DHX8: variants seen among roughly 807,000 people sequenced by gnomAD.
The protein encoded by DHX8 is DEAH-box helicase 8.
DHX8 carries 67 observed loss-of-function variants against 140.7 expected under a neutral mutation model. That is an observed-to-expected ratio of 0.48 (90% CI 0.39 to 0.58). DHX8 has a LOEUF of 0.58. DHX8 is among the 20% of genes least tolerant of loss of function. DHX8 has a pLI of 0.00. For missense variants in DHX8, 887 were observed against 1,550.7 expected, an observed-to-expected ratio of 0.57 and a Z score of 7.19; for synonymous variants, 533 against 553.2, an observed-to-expected ratio of 0.96 and a Z score of 0.51.
At chr17:43,504,026 G>A (rs1484485901) in intron 11 of DHX8, among the ~76,000 whole-genome samples, 4 of 151,486 alleles carry the variant, frequency 2.6e-5, no homozygotes, top group African/African-American at 4.9e-5. Flanking sequence ...GCAGTGAGCC[G>A]TGATTGCGTC....
downstream of DHX8, among the ~76,000 whole-genome samples, chr17:43,527,510 A>T (rs1225435627): frequency 6.6e-6 from 1 of 152,132 alleles, no homozygotes; most frequent in African/African-American, 2.4e-5. Flanking sequence ...GACCCTTGCC[A>T]CTCAGTAGCC....
intron 3 of DHX8, among the ~76,000 whole-genome samples, chr17:43,541,063 C>T (rs1356846353): frequency 6.6e-6 from 1 of 152,116 alleles, no homozygotes; most frequent in African/African-American, 2.4e-5. Context: ...CCAGGGACCC[C>T]TCCAGGCCCG....
intron 16 of DHX8, among the ~76,000 whole-genome samples, chr17:43,509,814 AC>A (rs1969715594): frequency 6.6e-6 from 1 of 151,622 alleles, no homozygotes; most frequent in Non-Finnish European, 1.5e-5. Flanking sequence ...GACTATAAGC[AC>A]CCACTACCAC....
Position 43,507,964 on chromosome 17 carries a change from T to C in DHX8, c.2265T>C (p.Asp755=). The C allele has an allele frequency of 6.2e-7, 1 of 1,614,236 alleles. No homozygotes were observed. Among genetic ancestry groups the C allele is most frequent in the East Asian group, 2.2e-5 (1 of 44,886 alleles). ...TGTACACAAAGGAACCTGAGACAGATTATCTGGATGCCAGCCTGATTACTG... is the reference window on the plus strand; with the variant it reads ...TGTACACAAAGGAACCTGAGACAGACTATCTGGATGCCAGCCTGATTACTG... ...EILYTKEPET[D]YLDASLITVM... Residue 755 remains aspartate (D), a synonymous_variant, in exon 15 of 23, where the codon GAT becomes GAC. Coordinates refer to ENST00000262415, the MANE Select transcript of DHX8 (RefSeq NM_004941.3).
chr17:43,540,080 C>A (rs1479540881), intron 3 of DHX8, among the ~76,000 whole-genome samples: 1 of 152,216 alleles, frequency 6.6e-6, no homozygotes, highest in Non-Finnish European at 1.5e-5. Context: ...CAGCACACAT[C>A]TTTTCAGGAG....
Position 43,493,593 on chromosome 17 carries a change from G to A in DHX8, c.1008+4G>A. On this transcript the variant is annotated splice_donor_region_variant and intron_variant, in intron 7 of 22. Coordinates refer to ENST00000262415, the MANE Select transcript of DHX8 (RefSeq NM_004941.3). ...CAAGACCAGCCTGAGCATGAAGGTA[G>A]GTGAGATGGTCAGCCTGTTCTTACA... 3.7e-6 allele frequency: 6 copies of A among 1,614,182 alleles called. No individual in the cohort carries two copies. The highest frequency in any genetic ancestry group is 5.1e-6 in the Non-Finnish European group (6 of 1,180,016).
intron 16 of DHX8, among the ~76,000 whole-genome samples, chr17:43,511,284 C>T (rs1415319125): frequency 2.6e-5 from 4 of 152,028 alleles, no homozygotes; most frequent in Non-Finnish European, 2.9e-5. Context: ...GAGCCGAGAT[C>T]GTGCCATTGC....
intron 1 of DHX8, among the ~76,000 whole-genome samples, chr17:43,488,076 G>T (rs1489801510): frequency 6.6e-6 from 1 of 150,716 alleles, no homozygotes; most frequent in Non-Finnish European, 1.5e-5. Context: ...TCGTGGGTTC[G>T]AGACCAGCCT....
chr17:43,520,113 C>T lies in DHX8; in HGVS notation c.2800-17C>T. On this transcript the variant is annotated splice_polypyrimidine_tract_variant and intron_variant, in intron 18 of 22. Coordinates refer to ENST00000262415, the MANE Select transcript of DHX8 (RefSeq NM_004941.3). Reference sequence around the variant, plus strand: ...GACTGACCCTCTTATCACATGCCTTCTTCCTTTCTGTTCTAGGCCATGGGT... The same window carrying T: ...GACTGACCCTCTTATCACATGCCTTTTTCCTTTCTGTTCTAGGCCATGGGT... The T allele has an allele frequency of 6.2e-7, 1 of 1,614,032 alleles. No homozygotes were observed. The highest frequency in any genetic ancestry group is 8.5e-7 in the Non-Finnish European group (1 of 1,179,950).
downstream of DHX8, chr17:43,526,521 G>A: frequency 1.3e-6 from 2 of 1,535,696 alleles, no homozygotes; most frequent in Non-Finnish European, 1.7e-6. Context: ...CCCTGTGGTT[G>A]CTGTAGCTGT....
chr17:43,533,246 G>C (rs1971048449), intron 2 of DHX8: 7 of 1,614,036 alleles, frequency 4.3e-6, no homozygotes, highest in Non-Finnish European at 5.1e-6. Context: ...AGGATCTCAG[G>C]AAATTCCGTT....
At chr17:43,499,441 A>G (rs1343245611) in intron 10 of DHX8, among the ~76,000 whole-genome samples, 1 of 152,186 alleles carries the variant, frequency 6.6e-6, no homozygotes, top group Non-Finnish European at 1.5e-5. Flanking sequence ...CACATATGAA[A>G]TGCTTATAAT....
intron 18 of DHX8, chr17:43,519,733 G>A (rs1970279862): frequency 6.3e-6 from 1 of 158,948 alleles, no homozygotes; most frequent in African/African-American, 2.4e-5. Context: ...TTGAGGTCAG[G>A]AGTTCAAGAC....
intron 2 of DHX8, chr17:43,536,319 C>T (rs1459569624): frequency 2.0e-6 from 2 of 992,066 alleles, no homozygotes; most frequent in African/African-American, 1.6e-5. Context: ...TCAAACCCCA[C>T]TGTGTTTTAG....
At chr17:43,525,793 T>C (rs9908559), downstream of DHX8, 237,921 of 985,198 alleles carry the variant, frequency 0.24, 29,166 homozygotes, top group East Asian at 0.32. Flanking sequence ...CCAGCCTAAA[T>C]TTTCCCCATT....
intron 17 of DHX8, among the ~76,000 whole-genome samples, chr17:43,514,081 C>T (rs547155664): frequency 6.6e-6 from 1 of 152,224 alleles, no homozygotes; most frequent in East Asian, 1.9e-4. Flanking sequence ...TTGGCTCACA[C>T]CTGTAATCCC....
At chr17:43,516,604 A>C (rs1267558840) in intron 17 of DHX8, among the ~76,000 whole-genome samples, 1 of 152,036 alleles carries the variant, frequency 6.6e-6, no homozygotes, top group African/African-American at 2.4e-5. Context: ...GTGAGCCACC[A>C]CACCAAGCTA....
At chr17:43,544,098 T>A (rs996480991) in intron 3 of DHX8, 1 of 152,204 alleles carries the variant, frequency 6.6e-6, no homozygotes, top group African/African-American at 2.4e-5. Flanking sequence ...AACCCTAAGA[T>A]GGGGGTAGTT....
At chr17:43,538,541 C>T (rs1433946546) in intron 3 of DHX8, among the ~76,000 whole-genome samples, 1 of 152,172 alleles carries the variant, frequency 6.6e-6, no homozygotes, top group Non-Finnish European at 1.5e-5. Flanking sequence ...AATACAGCAG[C>T]AGCTCATCCA....
Sources: gnomAD v4.1 joint callset for allele counts (sites outside exome capture counted in the v4.1 genomes callset) on GRCh38, gnomAD v4.1.1 for gene constraint, MANE v1.5 for transcripts, NCBI Gene and HGNC (gene_info 2026-07-23, HGNC 2026-07-21) for gene names.